CCSER1: variants seen among roughly 807,000 people sequenced by gnomAD.
The protein encoded by CCSER1 is coiled-coil serine rich protein 1, also known as serine-rich coiled-coil domain-containing protein 1.
CCSER1 carries 41 observed loss-of-function variants against 82.0 expected under a neutral mutation model. The ratio of observed to expected loss-of-function variants is 0.50; its 90% CI spans 0.39 to 0.65. The LOEUF is 0.65. Ranked by LOEUF, CCSER1 falls within the 30% of genes least tolerant of loss-of-function variation. CCSER1 has a pLI of 0.00. For missense variants in CCSER1, 1,119 were observed against 1,064.2 expected (o/e 1.05, Z -0.72); for synonymous variants, 414 against 383.9 (o/e 1.08, Z -0.92).
At chr4:90,933,700 T>C (rs1256093423) in intron 9 of CCSER1, among the ~76,000 whole-genome samples, 4 of 150,766 alleles carry the variant, frequency 2.7e-5, no homozygotes, top group Non-Finnish European at 5.9e-5. Context: ...TTTTTTTTTT[T>C]CTCCACTTTG....
chr4:91,463,139 A>G (rs746687716), intron 10 of CCSER1, among the ~76,000 whole-genome samples: 10 of 152,226 alleles, frequency 6.6e-5, no homozygotes, highest in Non-Finnish European at 1.5e-4. Context: ...CCACATGGCC[A>G]AGTAACCCTC....
At chr4:90,128,494 C>CGTGT (rs147426828) in intron 1 of CCSER1, among the ~76,000 whole-genome samples, 2,098 of 150,052 alleles carry the variant, frequency 0.014, 14 homozygotes, top group Non-Finnish European at 0.018. Context: ...AGGTTGTGTG[C>CGTGT]GTGTGTGTGT....
intron 5 of CCSER1, among the ~76,000 whole-genome samples, chr4:90,610,804 GACCTTTATCTCATT>G (rs1158771697): frequency 6.6e-5 from 10 of 152,042 alleles, no homozygotes; most frequent in Admixed American, 2.0e-4. Context: ...AAGGCAGATC[GACCTTTATCTCATT>G]ACATTAATGA....
At chr4:90,211,393 A>T (rs1739968870) in intron 1 of CCSER1, among the ~76,000 whole-genome samples, 1 of 152,236 alleles carries the variant, frequency 6.6e-6, no homozygotes, top group South Asian at 2.1e-4. Context: ...GGGAAGGAGA[A>T]TGATTGCATA....
chr4:91,400,964 T>A (rs1266733530), intron 10 of CCSER1, among the ~76,000 whole-genome samples: 1 of 151,878 alleles, frequency 6.6e-6, no homozygotes, highest in Non-Finnish European at 1.5e-5. Context: ...TTTGATACAC[T>A]TGTGGAATAA....
At chr4:91,547,653 T>C (rs1331155846) in intron 10 of CCSER1, among the ~76,000 whole-genome samples, 1 of 152,226 alleles carries the variant, frequency 6.6e-6, no homozygotes, top group Admixed American at 6.5e-5. Flanking sequence ...ATAATTGTTA[T>C]ATTTCTACGA....
Position 90,622,514 on chromosome 4 carries a change from C to T in CCSER1, c.1725-5511C>T, listed in dbSNP as rs960371441. Among the ~76,000 whole-genome samples the T allele has an allele frequency of 4.6e-5, 7 of 152,086 alleles. No homozygotes were observed. The South Asian group carries it at 6.2e-4, about 14-fold the overall frequency. ...ATTCCCACCTATGAGTGAGAACATG[C>T]GGTGTTTGTTTTTTTGTCCTTGCGA... On this transcript the variant is annotated intron_variant, in intron 5 of 10. Transcript: ENST00000509176.
chr4:91,446,543 T>C (rs1366536561), intron 10 of CCSER1, among the ~76,000 whole-genome samples: 1 of 148,320 alleles, frequency 6.7e-6, no homozygotes, highest in Non-Finnish European at 1.5e-5. Context: ...GATGAATACA[T>C]AACAACTGAT....
At position 91,572,087 on chromosome 4, in the gene CCSER1, G is replaced by A. The variant is rs577270516; in HGVS notation, c.2218-26485G>A. ...TTGCTACTGGCTCGATAACTCTGGT[G>A]GGGTGACTGGGGACACAGAGCTGGA... On this transcript the variant is annotated intron_variant, in intron 10 of 10. Coordinates refer to ENST00000509176, the MANE Select transcript of CCSER1 (RefSeq NM_001145065.2). Among the ~76,000 whole-genome samples the A allele has an allele frequency of 1.3e-5, 2 of 152,222 alleles. 1 individual carries two copies. Among genetic ancestry groups the A allele is most frequent in the African/African-American group, 4.8e-5 (2 of 41,532 alleles).
In CCSER1 at chr4:90,271,258, A is replaced by G. The variant is rs1416884300; in HGVS notation, c.-41-36986A>G. Among the ~76,000 whole-genome samples the G allele has an allele frequency of 3.3e-5, 5 of 151,986 alleles. No homozygotes were observed. The East Asian group carries it at 9.6e-4, about 29-fold the overall frequency. ...AAATTATTATACAAAGCTATGGTAAACAAAACTGCATGGCACTGGTGCAAA... is the reference window on the plus strand; with the variant it reads ...AAATTATTATACAAAGCTATGGTAAGCAAAACTGCATGGCACTGGTGCAAA... On this transcript the variant is annotated intron_variant, in intron 1 of 10. Transcript: ENST00000509176.
intron 1 of CCSER1, among the ~76,000 whole-genome samples, chr4:90,289,944 T>A (rs1411870631): frequency 1.3e-5 from 2 of 151,584 alleles, no homozygotes; most frequent in African/African-American, 4.8e-5. Context: ...TTGCCCAAAG[T>A]TAGTGAGAGC....
chr4:90,787,639 A>C (rs1485538247), intron 7 of CCSER1, among the ~76,000 whole-genome samples: 4 of 152,136 alleles, frequency 2.6e-5, no homozygotes, highest in South Asian at 2.1e-4. Flanking sequence ...TATTTATTCA[A>C]ATTTTTTCCC....
intron 10 of CCSER1, among the ~76,000 whole-genome samples, chr4:91,570,733 T>C (rs1211163652): frequency 6.6e-6 from 1 of 152,168 alleles, no homozygotes; most frequent in African/African-American, 2.4e-5. Flanking sequence ...TTTGGGTCTG[T>C]GATGGGAGGG....
At chr4:91,166,683 A>T (rs557338594) in intron 10 of CCSER1, among the ~76,000 whole-genome samples, 1 of 152,078 alleles carries the variant, frequency 6.6e-6, no homozygotes. Flanking sequence ...TTAGTAGTAT[A>T]AAGTTAGATG....
At chr4:91,104,643 C>T (rs1725425564) in intron 10 of CCSER1, among the ~76,000 whole-genome samples, 1 of 152,176 alleles carries the variant, frequency 6.6e-6, no homozygotes, top group Non-Finnish European at 1.5e-5. Flanking sequence ...AACAAATTAC[C>T]ACCAAGTAGG....
At chr4:90,811,835 G>T (rs1758337338) in intron 7 of CCSER1, among the ~76,000 whole-genome samples, 1 of 150,256 alleles carries the variant, frequency 6.7e-6, no homozygotes, top group Non-Finnish European at 1.5e-5. Flanking sequence ...TTCTGGATTA[G>T]CTAGTTGTAT....
chr4:90,966,124 C>T (rs570053486), intron 9 of CCSER1, among the ~76,000 whole-genome samples: 9 of 151,914 alleles, frequency 5.9e-5, no homozygotes, highest in African/African-American at 1.2e-4. Context: ...CCTGTAAAAA[C>T]GCTGTGAAGT....
chr4:91,141,223 G>T (rs778946043), intron 10 of CCSER1, among the ~76,000 whole-genome samples: 1 of 150,668 alleles, frequency 6.6e-6, no homozygotes, highest in Non-Finnish European at 1.5e-5. Context: ...GCACAATCTC[G>T]GCTCACTGCA....
At chr4:90,814,821 C>T (rs2149759635) in intron 7 of CCSER1, among the ~76,000 whole-genome samples, 1 of 152,254 alleles carries the variant, frequency 6.6e-6, no homozygotes, top group South Asian at 2.1e-4. Flanking sequence ...GACCAAATCA[C>T]CATAACATTT....
Sources: allele counts gnomAD v4.1 joint callset (sites outside exome capture counted in the v4.1 genomes callset), GRCh38; gene constraint gnomAD v4.1.1; transcripts MANE v1.5; gene names NCBI Gene and HGNC (gene_info 2026-07-23, HGNC 2026-07-21).